RIMS2: variants seen among roughly 807,000 people sequenced by gnomAD.
The protein encoded by RIMS2 is regulating synaptic membrane exocytosis protein 2.
Under a neutral mutation model 174.4 loss-of-function variants are expected in RIMS2, and 59 were observed. The ratio of observed to expected loss-of-function variants is 0.34; its 90% CI spans 0.27 to 0.42. RIMS2 has a LOEUF of 0.42. Among genes scored for constraint, RIMS2 ranks in the 10% least tolerant of loss-of-function variants. The probability of loss-of-function intolerance (pLI) is 1.00; values close to 1 mark genes in which losing one functional copy is unlikely to be tolerated. For missense variants in RIMS2, 1,620 were observed against 1,666.3 expected (o/e 0.97, Z 0.48); for synonymous variants, 606 against 572.5 (o/e 1.06, Z -0.84).
chr8:103,772,909 T>A (rs965409212), intron 3 of RIMS2, among the ~76,000 whole-genome samples: 2 of 151,488 alleles, frequency 1.3e-5, no homozygotes, highest in African/African-American at 4.9e-5. Context: ...TGCAAAAAAA[T>A]TTGAAGCATA....
At chr8:103,766,655 CAT>C (rs2098175225) in intron 3 of RIMS2, 118 bp downstream of exon 6, 4 of 685,092 alleles carry the variant, frequency 5.8e-6, no homozygotes. Flanking sequence ...TGTAAACATT[CAT>C]ATGTTTTACA....
intron 1 of RIMS2, among the ~76,000 whole-genome samples, chr8:103,660,627 G>T (rs2096588193): frequency 6.6e-6 from 1 of 151,834 alleles, no homozygotes; most frequent in African/African-American, 2.4e-5. Flanking sequence ...AAACAAATCT[G>T]ATACGGAGTT....
chr8:103,806,870 C>T lies in RIMS2; in HGVS notation c.698+40333C>T, dbSNP rs1454462719. 2.0e-5 allele frequency among the ~76,000 whole-genome samples: 3 copies of T among 151,784 alleles called. No homozygotes were observed. The East Asian group carries it at 5.8e-4, about 29-fold the overall frequency. On this transcript the variant is annotated intron_variant, in intron 3 of 23. Coordinates refer to ENST00000504942, the Ensembl canonical transcript of RIMS2. ...AGCAAAAGAGATATCAAGGTTAATT[C>T]CTAGATAAATCATGGTGTTGTTTTA...
chr8:103,815,593 G>A (rs926089636), intron 3 of RIMS2, among the ~76,000 whole-genome samples: 1 of 152,104 alleles, frequency 6.6e-6, no homozygotes, highest in Non-Finnish European at 1.5e-5. Context: ...AGCTGATCTT[G>A]CTTGGAAGTT....
At chr8:104,013,386 C>T in intron 17 of RIMS2, 56 bp from the exon 20 acceptor site, 1 of 1,431,134 alleles carries the variant, frequency 7.0e-7, no homozygotes, top group East Asian at 2.3e-5. Flanking sequence ...GCATCATAAC[C>T]AAATAGCAGA....
intron 3 of RIMS2, among the ~76,000 whole-genome samples, chr8:103,875,599 CTT>C (rs1338048674): frequency 6.6e-6 from 1 of 151,834 alleles, no homozygotes; most frequent in East Asian, 1.9e-4. Context: ...AATATAATGA[CTT>C]ATTTTCCTTT....
rs570415785 is a variant in RIMS2 at position 103,628,288 on chromosome 8, A to G, written c.177-68798A>G. ...AATAGAAGACCTTACAAGAGAAAGA[A>G]AATAAAGTGGACTGGATAGGAACTT... On this transcript the variant is annotated intron_variant, in intron 1 of 23. Coordinates refer to ENST00000504942, the Ensembl canonical transcript of RIMS2. Among the ~76,000 whole-genome samples, 4 of 152,248 alleles carry G rather than the reference A, an allele frequency of 2.6e-5. No individual in the cohort carries two copies. The South Asian group carries it at 8.3e-4, about 32-fold the overall frequency.
At chr8:104,123,825 G>A (rs927419176) in intron 19 of RIMS2, among the ~76,000 whole-genome samples, 19 of 152,042 alleles carry the variant, frequency 1.2e-4, no homozygotes, top group Non-Finnish European at 5.9e-5. Context: ...GAATAGTAAA[G>A]TCAGAAAGTT....
chr8:103,815,147 T>C (rs2098711179), intron 3 of RIMS2, among the ~76,000 whole-genome samples: 1 of 152,214 alleles, frequency 6.6e-6, no homozygotes, highest in African/African-American at 2.4e-5. Flanking sequence ...TGGTTTGTAT[T>C]GTTCCAGTGT....
intron 1 of RIMS2, among the ~76,000 whole-genome samples, chr8:103,679,577 G>A (rs2096854821): frequency 6.6e-6 from 1 of 151,886 alleles, no homozygotes; most frequent in South Asian, 2.1e-4. Context: ...AAATTGCCAG[G>A]AACAGCAGTA....
chr8:103,927,427 G>C (rs928500033), intron 10 of RIMS2, among the ~76,000 whole-genome samples: 12 of 151,398 alleles, frequency 7.9e-5, no homozygotes, highest in African/African-American at 2.9e-4. Context: ...TAATGACTCT[G>C]TAATACATTT....
chr8:103,796,008 T>G (rs1292581050), intron 3 of RIMS2, among the ~76,000 whole-genome samples: 2 of 152,200 alleles, frequency 1.3e-5, no homozygotes, highest in African/African-American at 4.8e-5. Context: ...TATGGCCATT[T>G]AAAGATACTT....
intron 1 of RIMS2, among the ~76,000 whole-genome samples, chr8:103,627,448 G>A (rs181827799): frequency 6.8e-4 from 103 of 152,298 alleles, no homozygotes; most frequent in Admixed American, 1.3e-3. Context: ...TGAACATAAC[G>A]TGATTAAGAG....
intron 19 of RIMS2, among the ~76,000 whole-genome samples, chr8:104,026,448 A>C (rs1440728249): frequency 1.3e-5 from 2 of 152,148 alleles, no homozygotes; most frequent in African/African-American, 4.8e-5. Flanking sequence ...CAACCTTCCT[A>C]ATTGGCTGTT....
At chr8:103,644,321 G>C (rs1211069268) in intron 1 of RIMS2, among the ~76,000 whole-genome samples, 1 of 152,108 alleles carries the variant, frequency 6.6e-6, no homozygotes, top group Non-Finnish European at 1.5e-5. Context: ...GCAGCAGTTT[G>C]TGAGGTCACA....
intron 2 of RIMS2, among the ~76,000 whole-genome samples, chr8:103,764,474 G>A (rs573468328): frequency 5.3e-5 from 8 of 152,216 alleles, no homozygotes; most frequent in East Asian, 1.9e-4. Context: ...TAGTACCTGC[G>A]TTTGTCACAA....
At chr8:103,803,911 C>G (rs2098632554) in intron 3 of RIMS2, among the ~76,000 whole-genome samples, 1 of 152,136 alleles carries the variant, frequency 6.6e-6, no homozygotes, top group African/African-American at 2.4e-5. Context: ...CAAAAGGATC[C>G]TGAGCTCAGA....
At chr8:103,897,494 A>G (rs1403121037) in intron 4 of RIMS2, among the ~76,000 whole-genome samples, 1 of 151,706 alleles carries the variant, frequency 6.6e-6, no homozygotes. Flanking sequence ...CGTTACCTTC[A>G]TATGCATTTT....
chr8:103,593,380 G>A (rs1174915340), intron 1 of RIMS2, among the ~76,000 whole-genome samples: 5 of 151,488 alleles, frequency 3.3e-5, no homozygotes, highest in Non-Finnish European at 4.4e-5. Flanking sequence ...GTACAAGAGG[G>A]ACCAAAAGAT....
Sources: allele counts gnomAD v4.1 joint callset (sites outside exome capture counted in the v4.1 genomes callset), GRCh38; gene constraint gnomAD v4.1.1; transcripts MANE v1.5; gene names NCBI Gene and HGNC (gene_info 2026-07-23, HGNC 2026-07-21).